HHAT: variants seen among roughly 807,000 people sequenced by gnomAD.
HHAT encodes the protein protein-cysteine N-palmitoyltransferase HHAT.
In HHAT, 47 loss-of-function variants were observed where a neutral mutation model predicts 70.8. The observed-to-expected ratio is 0.66, with a 90% CI of 0.53 to 0.85. The LOEUF (loss-of-function observed/expected upper bound fraction) is 0.85, where lower values mean the gene tolerates loss of function less well. Among genes scored for constraint, HHAT ranks in the 40% least tolerant of loss-of-function variants. The pLI, the probability that HHAT is intolerant of heterozygous loss-of-function variation, is 0.00. For missense variants in HHAT, 609 were observed against 604.8 expected (o/e 1.01, Z -0.07); for synonymous variants, 228 against 247.6 (o/e 0.92, Z 0.74).
intron 7 of HHAT, among the ~76,000 whole-genome samples, chr1:210,449,447 G>T (rs1443227492): frequency 6.6e-6 from 1 of 151,836 alleles, no homozygotes; most frequent in Non-Finnish European, 1.5e-5. Context: ...CACCATTCCC[G>T]TCTACACTTT....
intron 11 of HHAT, among the ~76,000 whole-genome samples, chr1:210,629,790 A>G (rs1670503544): frequency 1.3e-5 from 2 of 150,432 alleles, no homozygotes; most frequent in Non-Finnish European, 2.9e-5. Context: ...TCTGTCACAC[A>G]TATCTGCCTC....
intron 3 of HHAT, among the ~76,000 whole-genome samples, chr1:210,364,380 C>A (rs780675084): frequency 6.6e-6 from 1 of 152,000 alleles, no homozygotes; most frequent in African/African-American, 2.4e-5. Context: ...CTACTCTTTA[C>A]GAATGTAACA....
Position 210,590,850 on chromosome 1 carries a change from C to T in HHAT, c.1245+2751C>T, listed in dbSNP as rs917742755. Among the ~76,000 whole-genome samples the T allele has an allele frequency of 2.4e-4, 37 of 152,220 alleles. 1 individual carries two copies. The highest frequency in any genetic ancestry group is 1.2e-3 in the Admixed American group (19 of 15,278). On this transcript the variant is annotated intron_variant, in intron 10 of 11. Coordinates refer to ENST00000261458, the MANE Select transcript of HHAT (RefSeq NM_018194.6). ...CCCTTTCTTCATGGTGTATATCCTT[C>T]ATCTGTTTTATTAAGATAGATTAGC...
At chr1:210,513,562 C>T (rs2094998802) in intron 9 of HHAT, among the ~76,000 whole-genome samples, 3 of 152,220 alleles carry the variant, frequency 2.0e-5, no homozygotes, top group South Asian at 4.2e-4. Flanking sequence ...TGGAATCTTC[C>T]AGTTGCTTTA....
At chr1:210,659,808 T>C (rs577989539) in intron 11 of HHAT, among the ~76,000 whole-genome samples, 1 of 152,176 alleles carries the variant, frequency 6.6e-6, no homozygotes, top group African/African-American at 2.4e-5. Context: ...ACAGAACCAA[T>C]GACAAAAACC....
At chr1:210,497,142 A>G (rs2094661501) in intron 8 of HHAT, among the ~76,000 whole-genome samples, 2 of 152,196 alleles carry the variant, frequency 1.3e-5, no homozygotes, top group Non-Finnish European at 2.9e-5. Context: ...GGTATAATTA[A>G]ACTTTTATAT....
intron 7 of HHAT, among the ~76,000 whole-genome samples, chr1:210,421,927 C>G (rs1420345693): frequency 6.6e-6 from 1 of 151,932 alleles, no homozygotes; most frequent in Non-Finnish European, 1.5e-5. Context: ...GTTTTTTTGA[C>G]AGCATAAAAG....
chr1:210,415,381 C>T (rs1305589740), intron 6 of HHAT, among the ~76,000 whole-genome samples: 4 of 152,128 alleles, frequency 2.6e-5, no homozygotes, highest in African/African-American at 4.8e-5. Flanking sequence ...AAATGAAAAC[C>T]ATCCTCAGTT....
chr1:210,594,546 G>T (rs1662505756), intron 10 of HHAT, among the ~76,000 whole-genome samples: 1 of 152,034 alleles, frequency 6.6e-6, no homozygotes. Flanking sequence ...TTATTTGTTT[G>T]TGTTTTAGTC....
intron 10 of HHAT, among the ~76,000 whole-genome samples, chr1:210,601,956 A>T (rs866513832): frequency 1.1e-5 from 1 of 91,080 alleles, no homozygotes; most frequent in African/African-American, 3.6e-5. Context: ...AGAGAGAGAG[A>T]GTATGTGTGT....
intron 8 of HHAT, among the ~76,000 whole-genome samples, chr1:210,477,596 T>C (rs17016287): frequency 0.087 from 13,256 of 152,248 alleles, 651 homozygotes; most frequent in Middle Eastern, 0.1. Context: ...GGGCATGGCC[T>C]TACTGTTGAA....
intron 7 of HHAT, among the ~76,000 whole-genome samples, chr1:210,435,138 C>T (rs1275633780): frequency 6.6e-6 from 1 of 151,800 alleles, no homozygotes; most frequent in Non-Finnish European, 1.5e-5. Flanking sequence ...CCTGCTTTCC[C>T]TTCCCAGCCT....
chr1:210,410,551 A>G (rs112934987), intron 6 of HHAT, among the ~76,000 whole-genome samples: 16,616 of 118,616 alleles, frequency 0.14, 1,189 homozygotes, highest in Middle Eastern at 0.22. Flanking sequence ...TTTTTAAGAT[A>G]GAGTCTCACT....
intron 9 of HHAT, among the ~76,000 whole-genome samples, chr1:210,569,398 A>AAAAAAAAAAAAAAAAAC (rs1307831080): frequency 6.8e-6 from 1 of 148,062 alleles, no homozygotes; most frequent in Non-Finnish European, 1.5e-5. Flanking sequence ...AAAAAAAAAA[A>AAAAAAAAAAAAAAAAAC]AGCGTATAGC....
At chr1:210,366,540 C>T (rs1013154415) in intron 3 of HHAT, among the ~76,000 whole-genome samples, 20 of 152,110 alleles carry the variant, frequency 1.3e-4, no homozygotes, top group African/African-American at 2.4e-5. Flanking sequence ...TGCTTGAACC[C>T]GGGAGGTGGA....
chr1:210,340,242 G>GGGGAAAAAAAAAAAAAAAAAAAAAA (rs1553313987), intron 1 of HHAT, among the ~76,000 whole-genome samples: 1 of 99,784 alleles, frequency 1.0e-5, no homozygotes, highest in Non-Finnish European at 2.1e-5. Flanking sequence ...CTCTGTCTCA[G>GGGGAAAAAAAAAAAAAAAAAAAAAA]AAAAAAAAAA....
intron 7 of HHAT, among the ~76,000 whole-genome samples, chr1:210,432,318 A>G (rs1326412417): frequency 6.6e-6 from 1 of 151,948 alleles, no homozygotes; most frequent in Non-Finnish European, 1.5e-5. Context: ...TGAGCCGGAA[A>G]AGGAGTCAGT....
intron 10 of HHAT, chr1:210,589,235 A>G (rs1430697409): frequency 1.3e-5 from 2 of 152,250 alleles, no homozygotes; most frequent in African/African-American, 2.4e-5. Context: ...ATATGTTTTT[A>G]TAAAGATAGC....
chr1:210,496,084 G>GTTT (rs35707126), intron 8 of HHAT, among the ~76,000 whole-genome samples: 49 of 136,886 alleles, frequency 3.6e-4, no homozygotes, highest in East Asian at 6.4e-4. Flanking sequence ...AAAGAGTAAA[G>GTTT]TTTTTTTTTT....
Sources: gnomAD v4.1 joint callset for allele counts (sites outside exome capture counted in the v4.1 genomes callset) on GRCh38, gnomAD v4.1.1 for gene constraint, MANE v1.5 for transcripts, NCBI Gene and HGNC (gene_info 2026-07-23, HGNC 2026-07-21) for gene names.